NTAQ1: variants seen among roughly 807,000 people sequenced by gnomAD.
NTAQ1 encodes the protein protein N-terminal glutamine amidohydrolase.
NTAQ1 carries 21 observed loss-of-function variants against 28.2 expected under a neutral mutation model. That is an observed-to-expected ratio of 0.74 (90% confidence interval 0.53 to 1.07). The LOEUF (loss-of-function observed/expected upper bound fraction) is 1.07. Ranked by LOEUF, NTAQ1 falls within the 50% of genes least tolerant of loss-of-function variation. The pLI is 0.00. For missense variants in NTAQ1, 264 were observed against 256.6 expected (o/e 1.03, Z -0.20); for synonymous variants, 105 against 90.0 (o/e 1.17, Z -0.94).
chr8:123,451,425 G>A (rs1391099576), downstream of NTAQ1, among the ~76,000 whole-genome samples: 1 of 152,052 alleles, frequency 6.6e-6, no homozygotes, highest in Non-Finnish European at 1.5e-5. Context: ...TGCAGCCTCC[G>A]CCTCCTGGAT....
chr8:123,472,718 CAT>C (rs1181554140), downstream of NTAQ1, among the ~76,000 whole-genome samples: 17 of 152,220 alleles, frequency 1.1e-4, no homozygotes, highest in African/African-American at 4.1e-4. Flanking sequence ...TGTTTCCAAA[CAT>C]GTCACATTCT....
intron 2 of NTAQ1, among the ~76,000 whole-genome samples, chr8:123,429,128 T>G (rs12543979): frequency 0.72 from 108,808 of 152,048 alleles, 39,270 homozygotes; most frequent in East Asian, 0.93. Flanking sequence ...AAGCAGGCAA[T>G]ATTTGGACAA....
At chr8:123,466,515 A>G (rs1815964204) in intron 6 of NTAQ1, among the ~76,000 whole-genome samples, 1 of 152,180 alleles carries the variant, frequency 6.6e-6, no homozygotes, top group African/African-American at 2.4e-5. Flanking sequence ...GACTCACTGA[A>G]TTACTCTAGT....
downstream of NTAQ1, among the ~76,000 whole-genome samples, chr8:123,446,092 C>T (rs1316133403): frequency 1.3e-5 from 2 of 151,966 alleles, no homozygotes; most frequent in Non-Finnish European, 2.9e-5. Flanking sequence ...CTCCCAGGTT[C>T]AAGCGATTCT....
intron 6 of NTAQ1, among the ~76,000 whole-genome samples, chr8:123,466,855 A>G (rs950418896): frequency 6.6e-6 from 1 of 152,184 alleles, no homozygotes; most frequent in African/African-American, 2.4e-5. Flanking sequence ...ATGGAAGAAA[A>G]ACAATAAAGT....
intron 6 of NTAQ1, among the ~76,000 whole-genome samples, chr8:123,455,810 A>G (rs1815634159): frequency 6.6e-6 from 1 of 152,160 alleles, no homozygotes; most frequent in South Asian, 2.1e-4. Context: ...GTATCATGAA[A>G]TATGGATTTA....
downstream of NTAQ1, among the ~76,000 whole-genome samples, chr8:123,451,232 C>T (rs1246003423): frequency 1.3e-5 from 2 of 152,174 alleles, no homozygotes; most frequent in Non-Finnish European, 2.9e-5. Context: ...TCCCTGGTGA[C>T]GTATCTAGAG....
chr8:123,458,097 C>G (rs13277182), intron 6 of NTAQ1, among the ~76,000 whole-genome samples: 4,829 of 51,820 alleles, frequency 0.093, 161 homozygotes, highest in African/African-American at 0.16. Flanking sequence ...CTTCCCCTCA[C>G]TGTTTTTTTT....
chr8:123,438,672 CA>C (rs11411907), intron 5 of NTAQ1, among the ~76,000 whole-genome samples: 48 of 132,610 alleles, frequency 3.6e-4, no homozygotes, highest in African/African-American at 4.1e-4. Flanking sequence ...GATTCCATCT[CA>C]AAAAAAAAAA....
intron 6 of NTAQ1, among the ~76,000 whole-genome samples, chr8:123,466,840 G>T (rs1453974211): frequency 6.6e-6 from 1 of 152,050 alleles, no homozygotes; most frequent in Non-Finnish European, 1.5e-5. Flanking sequence ...TACAGTAAAG[G>T]GATGATGGAA....
downstream of NTAQ1, among the ~76,000 whole-genome samples, chr8:123,473,964 C>T (rs546898790): frequency 3.2e-4 from 49 of 151,900 alleles, no homozygotes; most frequent in Non-Finnish European, 6.0e-4. Context: ...CATTGGTATG[C>T]AAGACACTGA....
intron 6 of NTAQ1, among the ~76,000 whole-genome samples, chr8:123,465,840 C>T (rs1281895071): frequency 6.6e-6 from 1 of 152,120 alleles, no homozygotes; most frequent in Non-Finnish European, 1.5e-5. Flanking sequence ...ACCTCGGCCT[C>T]CCAAAGTGTT....
chr8:123,440,953 T>C (rs1038207857), intron 5 of NTAQ1, among the ~76,000 whole-genome samples: 3 of 152,192 alleles, frequency 2.0e-5, no homozygotes, highest in African/African-American at 7.2e-5. Context: ...CTGGGGATTA[T>C]TAGACCCACC....
chr8:123,424,555 T>C (rs1813924348), intron 1 of NTAQ1, among the ~76,000 whole-genome samples: 5 of 151,268 alleles, frequency 3.3e-5, no homozygotes, highest in Admixed American at 3.3e-4. Flanking sequence ...AATTTTTGTA[T>C]TTTTAATAGG....
intron 6 of NTAQ1, among the ~76,000 whole-genome samples, chr8:123,455,521 GT>G (rs2130396196): frequency 6.6e-6 from 1 of 150,520 alleles, no homozygotes; most frequent in African/African-American, 2.5e-5. Flanking sequence ...CGCCTCCTGG[GT>G]TCAAGCGATT....
intron 1 of NTAQ1, among the ~76,000 whole-genome samples, chr8:123,417,923 C>T (rs1348229969): frequency 6.6e-6 from 1 of 152,148 alleles, no homozygotes; most frequent in Non-Finnish European, 1.5e-5. Context: ...ACTGGAACCT[C>T]TTCGTGATTC....
At chr8:123,451,574 A>G (rs911584222), downstream of NTAQ1, among the ~76,000 whole-genome samples, 4 of 152,102 alleles carry the variant, frequency 2.6e-5, no homozygotes, top group Admixed American at 6.5e-5. Context: ...CTTGACTTCA[A>G]TTGGTCCGCC....
At chr8:123,444,287 C>T (rs1030958280), downstream of NTAQ1, among the ~76,000 whole-genome samples, 1 of 152,086 alleles carries the variant, frequency 6.6e-6, no homozygotes, top group East Asian at 1.9e-4. Flanking sequence ...GCAACTTCCA[C>T]CTCCCAGATT....
chr8:123,437,317 C>T lies in NTAQ1; in HGVS notation c.491C>T (p.Pro164Leu). 6.2e-7 allele frequency: 1 copy of T among 1,614,022 alleles called. No homozygotes were observed. The change falls in exon 5 of 6, where the codon CCC (proline) becomes CTC (leucine). Residue 164 changes from proline to leucine, a missense_variant. Physicochemically the swap from Pro to Leu is moderately conservative, Grantham distance 98. Transcript: ENST00000287387. ...GNWREPPPPY[P>L]CIETGDSKMN... The stretch of plus-strand genomic sequence containing the variant: ...TGGAGAGAGCCTCCGCCGCCATATC[C>T]CTGCATTGAGACTGGAGGTGAGCCA...
Sources: allele counts gnomAD v4.1 joint callset (sites outside exome capture counted in the v4.1 genomes callset), GRCh38; gene constraint gnomAD v4.1.1; transcripts MANE v1.5; gene names NCBI Gene and HGNC (gene_info 2026-07-23, HGNC 2026-07-21).